The following PAN3 variants were observed in gnomAD, a reference collection of about 807,000 sequenced individuals.
PAN3 encodes the protein poly(A) specific ribonuclease subunit PAN3, also known as PAN2-PAN3 deadenylation complex subunit PAN3.
PAN3 carries 19 observed loss-of-function variants against 96.2 expected under a neutral mutation model. The observed-to-expected ratio is 0.20, with a 90% CI of 0.14 to 0.29. The LOEUF (loss-of-function observed/expected upper bound fraction) is 0.29, where lower values mean the gene tolerates loss of function less well. PAN3 is among the 10% of genes least tolerant of loss of function. The probability of loss-of-function intolerance (pLI) is 1.00; values close to 1 mark genes in which losing one functional copy is unlikely to be tolerated. For synonymous variants in PAN3, 433 were observed against 406.6 expected (o/e 1.06, Z -0.78); for missense variants, 882 against 1,108.1 (o/e 0.80, Z 2.90).
At chr13:28,229,004 C>T (rs571770531) in intron 6 of PAN3, among the ~76,000 whole-genome samples, 1 of 152,278 alleles carries the variant, frequency 6.6e-6, no homozygotes, top group African/African-American at 2.4e-5. Context: ...AAGAGCTTCT[C>T]AGCATCTCTC....
At chr13:28,144,702 C>A (rs1870377848) in intron 1 of PAN3, among the ~76,000 whole-genome samples, 1 of 142,782 alleles carries the variant, frequency 7.0e-6, no homozygotes, top group Non-Finnish European at 1.5e-5. Flanking sequence ...TTATCAAAAG[C>A]AAACCAAAAC....
intron 4 of PAN3, among the ~76,000 whole-genome samples, chr13:28,194,158 TAAA>T (rs1877676478): frequency 1.5e-5 from 2 of 131,792 alleles, no homozygotes; most frequent in Admixed American, 1.5e-4. Context: ...AAAAAAAAAA[TAAA>T]AAGAGACACT....
intron 5 of PAN3, among the ~76,000 whole-genome samples, chr13:28,210,540 A>G (rs1270499787): frequency 6.6e-6 from 1 of 152,160 alleles, no homozygotes; most frequent in African/African-American, 2.4e-5. Context: ...TGCTTCAGAA[A>G]GTTTATAAAC....
At chr13:28,248,937 TA>T (rs1444582298) in intron 6 of PAN3, among the ~76,000 whole-genome samples, 3 of 152,248 alleles carry the variant, frequency 2.0e-5, no homozygotes, top group South Asian at 2.1e-4. Context: ...TATTGGCAAA[TA>T]TTTTTTTCAA....
intron 1 of PAN3, among the ~76,000 whole-genome samples, chr13:28,165,786 G>A (rs1344796648): frequency 6.6e-6 from 1 of 152,038 alleles, no homozygotes; most frequent in African/African-American, 2.4e-5. Flanking sequence ...TGTCTGATGA[G>A]GGCTGCTGTC....
intron 1 of PAN3, among the ~76,000 whole-genome samples, chr13:28,158,947 C>T (rs377678825): frequency 6.6e-6 from 1 of 151,422 alleles, no homozygotes; most frequent in Non-Finnish European, 1.5e-5. Context: ...ATTGAGATAC[C>T]ATCTCATACC....
At chr13:28,248,115 C>T (rs1295419167) in intron 6 of PAN3, among the ~76,000 whole-genome samples, 1 of 152,002 alleles carries the variant, frequency 6.6e-6, no homozygotes, top group African/African-American at 2.4e-5. Flanking sequence ...TATAGTTTTG[C>T]TTGTAGAGAT....
At chr13:28,167,707 G>C (rs1593396014) in intron 1 of PAN3, among the ~76,000 whole-genome samples, 1 of 151,588 alleles carries the variant, frequency 6.6e-6, no homozygotes, top group Admixed American at 6.6e-5. Context: ...AGCTGGGTGT[G>C]GTGGCTCATT....
intron 5 of PAN3, chr13:28,215,950 T>C (rs1880705013): frequency 9.9e-7 from 1 of 1,014,342 alleles, no homozygotes; most frequent in Non-Finnish European, 1.5e-6. Flanking sequence ...GGAAGAATGG[T>C]CTCAGGACTG....
At chr13:28,213,795 T>G (rs1011639342) in intron 5 of PAN3, among the ~76,000 whole-genome samples, 2 of 150,100 alleles carry the variant, frequency 1.3e-5, no homozygotes, top group African/African-American at 2.5e-5. Context: ...GCATTAAAAG[T>G]AGTCAAAAAA....
chr13:28,194,468 T>TATATA (rs1298627227), intron 4 of PAN3, among the ~76,000 whole-genome samples: 27 of 91,362 alleles, frequency 3.0e-4, no homozygotes, highest in East Asian at 1.1e-3. Flanking sequence ...ATATATATAT[T>TATATA]TTTTTTTTTT....
chr13:28,160,810 ATATC>A (rs1872793250), intron 1 of PAN3, among the ~76,000 whole-genome samples: 1 of 152,216 alleles, frequency 6.6e-6, no homozygotes. Context: ...TACTTGAACT[ATATC>A]GTTAGTTCTT....
At chr13:28,144,631 C>T (rs879579919) in intron 1 of PAN3, among the ~76,000 whole-genome samples, 3 of 151,358 alleles carry the variant, frequency 2.0e-5, no homozygotes, top group Non-Finnish European at 4.4e-5. Flanking sequence ...CGGGCGTGTT[C>T]AGAGTGGTAT....
At chr13:28,176,672 A>C in intron 3 of PAN3, 113 bp downstream of exon 3, 1 of 1,051,780 alleles carries the variant, frequency 9.5e-7, no homozygotes, top group African/African-American at 1.6e-5. Flanking sequence ...TAAAGAAGAA[A>C]ATAAAAATTA....
chr13:28,168,304 G>A (rs1440192528), intron 1 of PAN3, among the ~76,000 whole-genome samples: 1 of 152,182 alleles, frequency 6.6e-6, no homozygotes, highest in African/African-American at 2.4e-5. Context: ...ATCTTCCAGT[G>A]AGCATTTCCT....
At chr13:28,278,061 G>A (rs1389767734) in intron 15 of PAN3, among the ~76,000 whole-genome samples, 1 of 152,238 alleles carries the variant, frequency 6.6e-6, no homozygotes, top group Admixed American at 6.5e-5. Context: ...GGGCAACCAC[G>A]ACCTTTATTA....
chr13:28,276,530 C>G (rs1169969567), intron 14 of PAN3, among the ~76,000 whole-genome samples: 3 of 152,082 alleles, frequency 2.0e-5, no homozygotes, highest in African/African-American at 7.2e-5. Context: ...AGAAGGAAAG[C>G]CTCAGAATGG....
chr13:28,138,537 A>C, upstream of PAN3: 1 of 153,996 alleles, frequency 6.5e-6, no homozygotes. Flanking sequence ...CCGCAGCGGG[A>C]CAGACCCACC....
rs190273950 is a variant in PAN3, at chr13:28,194,168, C to T, written c.691-3017C>T. Among the ~76,000 whole-genome samples, 26 of 150,282 alleles carry T rather than the reference C, an allele frequency of 1.7e-4. 1 individual carries two copies. Among genetic ancestry groups the T allele is most frequent in the Non-Finnish European group, 3.0e-4 (20 of 67,560 alleles). ...TCTCAAAAAAAAAAATAAAAAGAGA[C>T]ACTGTCTCAAAAAAAAAAAAGTACA... is the stretch of plus-strand genomic sequence containing the variant. On this transcript the variant is annotated intron_variant, in intron 4 of 18. Coordinates refer to ENST00000380958, the MANE Select transcript of PAN3 (RefSeq NM_175854.8).
Sources: gnomAD v4.1 joint callset for allele counts (sites outside exome capture counted in the v4.1 genomes callset) on GRCh38, gnomAD v4.1.1 for gene constraint, MANE v1.5 for transcripts, NCBI Gene and HGNC (gene_info 2026-07-23, HGNC 2026-07-21) for gene names.